The following TWF1 variants were observed in gnomAD, a reference collection of about 807,000 sequenced individuals.
TWF1 encodes the protein twinfilin-1.
A neutral mutation model predicts 47.9 loss-of-function variants in TWF1; 14 were observed. That is an observed-to-expected ratio of 0.29 (90% confidence interval 0.19 to 0.46). The LOEUF (loss-of-function observed/expected upper bound fraction) is 0.46. Among genes scored for constraint, TWF1 ranks in the 20% least tolerant of loss-of-function variants. The pLI is 1.00. For synonymous variants in TWF1, 96 were observed against 139.2 expected, an observed-to-expected ratio of 0.69 and a Z score of 2.18; for missense variants, 281 against 409.3, an observed-to-expected ratio of 0.69 and a Z score of 2.70.
chr12:43,804,005 A>G (rs907452295), intron 2 of TWF1: 1 of 195,754 alleles, frequency 5.1e-6, no homozygotes, highest in Admixed American at 5.5e-5. Context: ...ATCAATTTGT[A>G]GTTTGTTATA....
At chr12:43,798,601 A>G (rs1942600590) in intron 5 of TWF1, 1 of 1,520,538 alleles carries the variant, frequency 6.6e-7, no homozygotes, top group South Asian at 1.2e-5. Flanking sequence ...TGCAAGAAAT[A>G]AAACAAACTA....
intron 1 of TWF1, among the ~76,000 whole-genome samples, chr12:43,805,119 G>A (rs1030687625): frequency 6.6e-5 from 10 of 152,170 alleles, no homozygotes; most frequent in African/African-American, 2.4e-4. Context: ...TAAACTCATT[G>A]AATAAATATG....
chr12:43,805,576 C>A, intron 1 of TWF1: 1 of 463,390 alleles, frequency 2.2e-6, no homozygotes, highest in Non-Finnish European at 4.3e-6. Context: ...GATATAACTG[C>A]ATATTGAACT....
Position 43,805,254 on chromosome 12 carries a change from A to AT in TWF1, c.26-683dup, listed in dbSNP as rs566633429. Among the ~76,000 whole-genome samples, 847 of 152,366 alleles carry AT rather than the reference A, an allele frequency of 5.6e-3. 10 individuals are homozygous for AT. The highest frequency in any genetic ancestry group is 5.0e-3 in the Non-Finnish European group (343 of 68,044). On this transcript the variant is annotated intron_variant, in intron 1 of 8. Coordinates refer to ENST00000395510, the MANE Select transcript of TWF1 (RefSeq NM_002822.5). ...GTAGTGCTTGCTATAAGGCTCAAGC[A>AT]TGAGAGTCAATAACTACATATTTAT...
chr12:43,799,289 A>G (rs1942615192), intron 5 of TWF1, 109 bp downstream of exon 5: 1 of 662,286 alleles, frequency 1.5e-6, no homozygotes, highest in Admixed American at 3.1e-5. Flanking sequence ...GAATAAACCT[A>G]AGCTACCTAA....
chr12:43,802,328 T>A lies in TWF1; in HGVS notation c.240A>T (p.Gly80=), dbSNP rs752837668. The A allele has an allele frequency of 6.3e-7, 1 of 1,590,332 alleles. No individual in the cohort carries two copies. The highest frequency in any genetic ancestry group is 2.3e-5 in the East Asian group (1 of 43,880). ...LFRLDSQNAQ[G]YEWIFIAWSP... The stretch of plus-strand genomic sequence containing the variant: ...ACCATGCAATGAATATCCATTCATA[T>A]CCCTGGGCATTCTGAGAATCTAACC... Residue 80 remains glycine, a synonymous_variant, in exon 3 of 9, where the codon GGA becomes GGT. Transcript: ENST00000395510.
At chr12:43,804,399 A>C in intron 2 of TWF1, 96 bp downstream of exon 2, 1 of 791,776 alleles carries the variant, frequency 1.3e-6, no homozygotes, top group Non-Finnish European at 2.1e-6. Context: ...GCTTCATATT[A>C]ATTAATAGTT....
Position 43,793,739 on chromosome 12 carries a change from TTTA to T in TWF1, c.*1843_*1845del, listed in dbSNP as rs1942504395. ...ATACACAACTTAAAGAGAAAAAATTTTTATTGTGATATAAAATGCACTTATAAA... is the reference window on the plus strand; with the variant it reads ...ATACACAACTTAAAGAGAAAAAATTTTTGTGATATAAAATGCACTTATAAA... On this transcript the variant is annotated 3_prime_UTR_variant, in exon 9 of 9. Coordinates refer to ENST00000395510, the MANE Select transcript of TWF1 (RefSeq NM_002822.5). The T allele has an allele frequency of 1.3e-5, 2 of 152,624 alleles. No homozygotes were observed. Among genetic ancestry groups the T allele is most frequent in the African/African-American group, 4.8e-5 (2 of 41,454 alleles). The allele number at this position is 152,624 out of a possible 1,614,324, so 9.5% of individuals were successfully genotyped here.
In TWF1 at chr12:43,801,904, C is replaced by G. The variant is rs185410442; in HGVS notation, c.282+382G>C. 4.0e-3 allele frequency among the ~76,000 whole-genome samples: 606 copies of G among 152,256 alleles called. 4 individuals carry two copies. Among genetic ancestry groups the G allele is most frequent in the African/African-American group, 0.014 (588 of 41,536 alleles). On this transcript the variant is annotated intron_variant, in intron 3 of 8. Transcript: ENST00000395510. Reference sequence around the variant, plus strand: ...AATTAGCTGGGCGTGGTGGCACATGCCTGTAATCCCAGCTACTCAAGAGGC... The same window carrying G: ...AATTAGCTGGGCGTGGTGGCACATGGCTGTAATCCCAGCTACTCAAGAGGC...
chr12:43,796,962 A>T lies in TWF1; in HGVS notation c.882+14T>A. On this transcript the variant is annotated intron_variant, in intron 8 of 8. Transcript: ENST00000395510. ...ATTTAGCAAAAACTGAAGATTTTAA[A>T]ATAGGTGGGCTACCTTTCTAATTAC... 6.2e-7 allele frequency: 1 copy of T among 1,606,072 alleles called. No homozygotes were observed. The highest frequency in any genetic ancestry group is 1.1e-5 in the South Asian group (1 of 89,502).
chr12:43,805,489 G>A (rs1172218339), intron 1 of TWF1: 1 of 454,552 alleles, frequency 2.2e-6, no homozygotes, highest in African/African-American at 2.0e-5. Context: ...GAGTAACCCG[G>A]GGATATATTA....
intron 4 of TWF1, among the ~76,000 whole-genome samples, chr12:43,799,935 CA>C (rs1942628257): frequency 6.6e-6 from 1 of 151,598 alleles, no homozygotes; most frequent in Admixed American, 6.6e-5. Flanking sequence ...GTTTTCATGT[CA>C]AAAGAAAAAA....
intron 2 of TWF1, chr12:43,804,103 T>A: frequency 3.5e-6 from 1 of 287,218 alleles, no homozygotes; most frequent in South Asian, 2.9e-5. Context: ...GAGTTTGATA[T>A]CCTTTGTTTA....
Position 43,795,692 on chromosome 12 carries a change from G to C in TWF1, c.946C>G (p.Gln316Glu), listed in dbSNP as rs747675064. Residue 316 changes from glutamine to glutamate, a missense_variant, in exon 9 of 9, where the codon CAG becomes GAG. Gln to Glu is a conservative substitution (Grantham distance 29). Transcript: ENST00000395510. ...DFLYEEVHPK[Q>E]HAHKQSFAKP... ...GCAAAACTTTGCTTGTGTGCATGCT[G>C]CTTGGGATGTACTTCTTCATAAAGG... 11 of 1,613,842 alleles carry C rather than the reference G, an allele frequency of 6.8e-6. No individual in the cohort carries two copies. Among genetic ancestry groups the C allele is most frequent in the Non-Finnish European group, 9.3e-6 (11 of 1,179,860 alleles).
At position 43,798,462 on chromosome 12, in the gene TWF1, G is replaced by GA. The variant is rs1320943643; in HGVS notation, c.484-630dup. The GA allele has an allele frequency of 7.2e-5, 84 of 1,164,534 alleles. No homozygotes were observed. The Middle Eastern group carries it at 1.5e-3, about 21-fold the overall frequency. The allele number at this position is 1,164,534 out of a possible 1,614,324, so 72.1% of individuals were successfully genotyped here. ...GAGTCTCATTCGCAGTGTTGCAACA[G>GA]AAAGTCCAATAGAAATTTTACTTTT... On this transcript the variant is annotated intron_variant, in intron 5 of 8. Coordinates refer to ENST00000395510, the MANE Select transcript of TWF1 (RefSeq NM_002822.5).
chr12:43,796,359 G>A (rs1942550423), intron 8 of TWF1, among the ~76,000 whole-genome samples: 1 of 152,054 alleles, frequency 6.6e-6, no homozygotes, highest in Admixed American at 6.5e-5. Context: ...AAAAACACTG[G>A]TAGTTTTTAA....
chr12:43,793,875 G>A lies in TWF1; in HGVS notation c.*1710C>T, dbSNP rs1331190286. On this transcript the variant is annotated 3_prime_UTR_variant, in exon 9 of 9. Coordinates refer to ENST00000395510, the MANE Select transcript of TWF1 (RefSeq NM_002822.5). ...CCAACTAAAACATACTGTAAACGAT[G>A]AGTTATACTCTATAACAAATGCATC... The A allele has an allele frequency of 2.0e-5, 3 of 152,538 alleles. No individual in the cohort carries two copies. Among genetic ancestry groups the A allele is most frequent in the East Asian group, 1.9e-4 (1 of 5,200 alleles). 9.4% of individuals were successfully genotyped at this position (152,538 alleles called of 1,614,324 possible). A position where few individuals can be genotyped will look rare whatever the true frequency, so the allele number is the denominator to read the frequency against.
chr12:43,804,018 C>A (rs1326265236), intron 2 of TWF1: 3 of 225,752 alleles, frequency 1.3e-5, no homozygotes, highest in Admixed American at 5.1e-5. Context: ...TTGTTATATT[C>A]TCAGAACTTT....
intron 8 of TWF1, among the ~76,000 whole-genome samples, chr12:43,796,413 T>C (rs770288300): frequency 4.6e-5 from 7 of 152,120 alleles, no homozygotes; most frequent in African/African-American, 7.2e-5. Flanking sequence ...AATATATATC[T>C]TTCCCCATGC....
Sources: gnomAD v4.1 joint callset for allele counts (sites outside exome capture counted in the v4.1 genomes callset) on GRCh38, gnomAD v4.1.1 for gene constraint, MANE v1.5 for transcripts, NCBI Gene and HGNC (gene_info 2026-07-23, HGNC 2026-07-21) for gene names.